KHSRP: variants seen among roughly 807,000 people sequenced by gnomAD.
KHSRP encodes the protein KH-type splicing regulatory protein, also known as far upstream element-binding protein 2.
In KHSRP, 13 loss-of-function variants were observed where a neutral mutation model predicts 94.9. The ratio of observed to expected loss-of-function variants is 0.14; its 90% CI spans 0.09 to 0.22. KHSRP has a LOEUF of 0.22. KHSRP is among the 10% of genes least tolerant of loss of function. The pLI is 1.00. For synonymous variants in KHSRP, 495 were observed against 401.4 expected (o/e 1.23, Z -2.79); for missense variants, 710 against 1,010.0 (o/e 0.70, Z 4.03).
chr19:6,418,264 A>T lies in KHSRP; in HGVS notation c.880-185T>A, dbSNP rs542519543. Among the ~76,000 whole-genome samples the T allele has an allele frequency of 5.9e-5, 9 of 152,268 alleles. No homozygotes were observed. In the East Asian group the frequency reaches 1.2e-3, roughly 20 times the overall value. On this transcript the variant is annotated intron_variant, in intron 9 of 18. Transcript: ENST00000600480. The surrounding 1 kb of genome is among the most constrained non-coding windows in gnomAD (Gnocchi z 4.3). ...ACTACCAGCAGCCCCGTTTCCAGAT[A>T]AAAAAGCAGAAGGTCAGAGGTGAGG...
At position 6,418,994 on chromosome 19, in the gene KHSRP, G is replaced by A; in HGVS notation, c.606-118C>T. 8.2e-7 allele frequency: 1 copy of A among 1,213,040 alleles called. No homozygotes were observed. Among genetic ancestry groups the A allele is most frequent in the South Asian group, 1.6e-5 (1 of 62,946 alleles). The allele number at this position is 1,213,040 out of a possible 1,614,324, so 75.1% of individuals were successfully genotyped here. A position where few individuals can be genotyped will look rare whatever the true frequency, so the allele number is the denominator to read the frequency against. ...CAGAGTGTGCAAGGATGACAGGGAA[G>A]AGGGGCCAGTCACAGGGGCTGTTCA... is the stretch of plus-strand genomic sequence containing the variant. On this transcript the variant is annotated intron_variant, in intron 7 of 18. Transcript: ENST00000600480. The surrounding 1 kb of genome is among the most constrained non-coding windows in gnomAD (Gnocchi z 4.3).
Position 6,413,280 on chromosome 19 carries a change from C to A in KHSRP, c.*1744G>T. ...CTTTTTAAACAACATCTATAAAGAA[C>A]AAACATCCGCTTCAAAACTACAGGG... is the stretch of plus-strand genomic sequence containing the variant. On this transcript the variant is annotated 3_prime_UTR_variant, in exon 19 of 19. Coordinates refer to ENST00000600480, the MANE Select transcript of KHSRP (RefSeq NM_001366299.1). 4.9e-6 allele frequency: 1 copy of A among 204,442 alleles called. No homozygotes were observed. Among genetic ancestry groups the A allele is most frequent in the Non-Finnish European group, 1.0e-5 (1 of 97,092 alleles). 12.7% of individuals were successfully genotyped at this position (204,442 alleles called of 1,614,324 possible).
Position 6,417,162 on chromosome 19 carries a change from C to T in KHSRP, c.1082-75G>A, listed in dbSNP as rs1337494003. 138 of 1,139,158 alleles carry T rather than the reference C, an allele frequency of 1.2e-4. 2 individuals are homozygous for T. In the South Asian group the frequency reaches 2.0e-3, roughly 16 times the overall value. The allele number at this position is 1,139,158 out of a possible 1,614,324, so 70.6% of individuals were successfully genotyped here. A position where few individuals can be genotyped will look rare whatever the true frequency, so the allele number is the denominator to read the frequency against. The stretch of plus-strand genomic sequence containing the variant: ...ACCCCAGAGCCCTGCAACGCCGCCT[C>T]CAGCGCAGACACCACGCCGGCCTGA... On this transcript the variant is annotated intron_variant, in intron 11 of 18. Coordinates refer to ENST00000600480, the MANE Select transcript of KHSRP (RefSeq NM_001366299.1).
intron 14 of KHSRP, 41 bp downstream of exon 14, chr19:6,416,449 C>A (rs1436139782): frequency 6.2e-7 from 1 of 1,612,512 alleles, no homozygotes; most frequent in South Asian, 1.1e-5. Flanking sequence ...GGCTGGGATC[C>A]GGGCTGTGAG....
Position 6,415,155 on chromosome 19 carries a change from G to T in KHSRP, c.2113C>A (p.Gln705Lys). 1 of 1,605,874 alleles carries T rather than the reference G, an allele frequency of 6.2e-7. No individual in the cohort carries two copies. The part of the protein sequence containing the change: ...PGGPQPPPTQ[Q>K]GQQQASGNCH... ...TTCCCACTTGCCTGCTGCTGTCCCTGCTGCGTGGGCGGCGGCTGGGGGCCG... is the reference window on the plus strand; with the variant it reads ...TTCCCACTTGCCTGCTGCTGTCCCTTCTGCGTGGGCGGCGGCTGGGGGCCG... Residue 705 changes from glutamine to lysine, a missense_variant, in exon 19 of 19, where the codon CAG becomes AAG. Physicochemically the swap from Gln to Lys is moderately conservative, Grantham distance 53. Coordinates refer to ENST00000600480, the MANE Select transcript of KHSRP (RefSeq NM_001366299.1).
Position 6,418,353 on chromosome 19 carries a change from G to T in KHSRP, c.879+130C>A. 1.4e-6 allele frequency: 1 copy of T among 725,978 alleles called. No individual in the cohort carries two copies. 45.0% of individuals were successfully genotyped at this position (725,978 alleles called of 1,614,324 possible). ...GGCCATCCTACGAGCCAGCGCTCTT[G>T]CAAGCCTCTTGGTGTTATGACCGAC... On this transcript the variant is annotated intron_variant, in intron 9 of 18. Transcript: ENST00000600480. The surrounding 1 kb of genome is among the most constrained non-coding windows in gnomAD (Gnocchi z 4.3).
intron 11 of KHSRP, among the ~76,000 whole-genome samples, chr19:6,417,503 G>A (rs572036280): frequency 4.7e-4 from 72 of 152,332 alleles, no homozygotes; most frequent in African/African-American, 1.7e-3. Flanking sequence ...CCATCGTAGG[G>A]GGAGGAAGAG....
chr19:6,421,474 G>A, intron 3 of KHSRP, 157 bp from the exon 4 acceptor site: 2 of 989,566 alleles, frequency 2.0e-6, no homozygotes, highest in Admixed American at 2.2e-5. Flanking sequence ...TAAAAGCACA[G>A]AGCTCATCTC....
In KHSRP at chr19:6,418,329, G is replaced by A. The variant is rs1263500547; in HGVS notation, c.879+154C>T. Among the ~76,000 whole-genome samples, 1 of 152,130 alleles carries A rather than the reference G, an allele frequency of 6.6e-6. No homozygotes were observed. Among genetic ancestry groups the A allele is most frequent in the Non-Finnish European group, 1.5e-5 (1 of 68,012 alleles). ...ACACAAAGCTGGGAGTCAGTTCAGG[G>A]CCATCCTACGAGCCAGCGCTCTTGC... is the stretch of plus-strand genomic sequence containing the variant. On this transcript the variant is annotated intron_variant, in intron 9 of 18. Coordinates refer to ENST00000600480, the MANE Select transcript of KHSRP (RefSeq NM_001366299.1). This position sits in a 1 kb window ranked among gnomAD's most constrained non-coding sequence, Gnocchi z 4.3.
Position 6,415,796 on chromosome 19 carries a change from C to T in KHSRP, c.1687+12G>A. On this transcript the variant is annotated intron_variant, in intron 16 of 18. Transcript: ENST00000600480. ...ACAGGGCCTGCCCTCCGCCAGGTGGCCCATCACTTACTTGGGTCATGAGGA... is the reference window on the plus strand; with the variant it reads ...ACAGGGCCTGCCCTCCGCCAGGTGGTCCATCACTTACTTGGGTCATGAGGA... The T allele has an allele frequency of 1.3e-6, 2 of 1,562,592 alleles. No homozygotes were observed.
In KHSRP at chr19:6,413,766, A is replaced by AATAT. The variant is rs983506069; in HGVS notation, c.*1254_*1257dup. The AATAT allele has an allele frequency of 1.3e-5, 2 of 150,650 alleles. No homozygotes were observed. The highest frequency in any genetic ancestry group is 2.9e-5 in the Non-Finnish European group (2 of 68,342). 9.3% of individuals were successfully genotyped at this position (150,650 alleles called of 1,614,324 possible). A position where few individuals can be genotyped will look rare whatever the true frequency, so the allele number is the denominator to read the frequency against. ...GGGGGGTGAAGAATAGAGACTTTTT[A>AATAT]ATATATATATATATAATTTTATAAG... is the stretch of plus-strand genomic sequence containing the variant. On this transcript the variant is annotated 3_prime_UTR_variant, in exon 19 of 19. Coordinates refer to ENST00000600480, the MANE Select transcript of KHSRP (RefSeq NM_001366299.1).
rs1181600410 is a variant in KHSRP at position 6,424,654 on chromosome 19, GGGC to G, written c.45_47del (p.Pro16del). ...CTCCGGCTCCCCCGCCCCCGCCGGCGGGCGGCGGCGGCCCGGGCGGGGGTCCTC... is the reference window on the plus strand; with the variant it reads ...CTCCGGCTCCCCCGCCCCCGCCGGCGGGCGGCGGCCCGGGCGGGGGTCCTC... On this transcript the variant is annotated inframe_deletion, in exon 1 of 19. Transcript: ENST00000600480. The G allele has an allele frequency of 9.8e-7, 1 of 1,018,820 alleles. No individual in the cohort carries two copies. The highest frequency in any genetic ancestry group is 8.4e-5 in the East Asian group (1 of 11,928). 63.1% of individuals were successfully genotyped at this position (1,018,820 alleles called of 1,614,324 possible).
chr19:6,415,614 G>A lies in KHSRP; in HGVS notation c.1808C>T (p.Ala603Val). 1 of 1,518,380 alleles carries A rather than the reference G, an allele frequency of 6.6e-7. No individual in the cohort carries two copies. Among genetic ancestry groups the A allele is most frequent in the Non-Finnish European group, 8.8e-7 (1 of 1,134,256 alleles). 94.1% of individuals were successfully genotyped at this position (1,518,380 alleles called of 1,614,324 possible). Residue 603 changes from alanine (A) to valine (V), a missense_variant, in exon 17 of 19, where the codon GCT becomes GTT. Transcript: ENST00000600480. ...GPAPAPAAPP[A>V]QGEPPQPPPT... ...TGGGGGCTGAGGGGGCTCACCCTGA[G>A]CCGGTGGGGCCGCAGGGGCCGGTGC...
rs1277053100 is a variant in KHSRP, at chr19:6,414,396, G to A, written c.*628C>T. 2 of 1,301,890 alleles carry A rather than the reference G, an allele frequency of 1.5e-6. No homozygotes were observed. Among genetic ancestry groups the A allele is most frequent in the Admixed American group, 3.6e-5 (1 of 27,908 alleles). The allele number at this position is 1,301,890 out of a possible 1,614,324, so 80.6% of individuals were successfully genotyped here. A position where few individuals can be genotyped will look rare whatever the true frequency, so the allele number is the denominator to read the frequency against. ...AGGGCGGAGGCGCTAGGGTCGTAGG[G>A]GAGCTGCCCTGTCTCCGGAGGGCGG... On this transcript the variant is annotated 3_prime_UTR_variant, in exon 19 of 19. Coordinates refer to ENST00000600480, the MANE Select transcript of KHSRP (RefSeq NM_001366299.1).
In KHSRP at chr19:6,414,176, C is replaced by A; in HGVS notation, c.*848G>T. 2 of 1,574,754 alleles carry A rather than the reference C, an allele frequency of 1.3e-6. No individual in the cohort carries two copies. The highest frequency in any genetic ancestry group is 2.3e-5 in the East Asian group (1 of 43,496). On this transcript the variant is annotated 3_prime_UTR_variant, in exon 19 of 19. Coordinates refer to ENST00000600480, the MANE Select transcript of KHSRP (RefSeq NM_001366299.1). ...ACTACGGGGAGGGAAGGGTGGGAGA[C>A]TAGGGGGCGGAAGAGAGGAGGGGCT...
At chr19:6,419,905 G>A (rs1257771098) in intron 6 of KHSRP, among the ~76,000 whole-genome samples, 168 bp downstream of exon 6, 2 of 152,234 alleles carry the variant, frequency 1.3e-5, no homozygotes, top group East Asian at 1.9e-4. Flanking sequence ...GTGCCCCGTG[G>A]GCAGTACTAG....
In KHSRP at chr19:6,413,563, G is replaced by A. The variant is rs1270744016; in HGVS notation, c.*1461C>T. The stretch of plus-strand genomic sequence containing the variant: ...GAGAAGAGGGGGCTTGGCTGCTGGG[G>A]GAAGGGGTCCTGCAATACAACACCT... On this transcript the variant is annotated 3_prime_UTR_variant, in exon 19 of 19. Transcript: ENST00000600480. 1 of 232,294 alleles carries A rather than the reference G, an allele frequency of 4.3e-6. No homozygotes were observed. The allele number at this position is 232,294 out of a possible 1,614,324, so 14.4% of individuals were successfully genotyped here. A position where few individuals can be genotyped will look rare whatever the true frequency, so the allele number is the denominator to read the frequency against.
chr19:6,414,634 C>G lies in KHSRP; in HGVS notation c.*390G>C. On this transcript the variant is annotated 3_prime_UTR_variant, in exon 19 of 19. Transcript: ENST00000600480. ...CGTCCCCACCAGTCCCTGCCAGAGC[C>G]AGGCCGCCTGCAACACAGTCACTTG... The G allele has an allele frequency of 9.9e-7, 1 of 1,010,926 alleles. No individual in the cohort carries two copies. Among genetic ancestry groups the G allele is most frequent in the Non-Finnish European group, 1.2e-6 (1 of 847,662 alleles). The allele number at this position is 1,010,926 out of a possible 1,614,324, so 62.6% of individuals were successfully genotyped here.
Position 6,413,390 on chromosome 19 carries a change from T to C in KHSRP, c.*1634A>G. The stretch of plus-strand genomic sequence containing the variant: ...TATTTGTGAAGTTAAAAACGAGCGA[T>C]AAAAAGTAAAAACTGCCATACAATT... On this transcript the variant is annotated 3_prime_UTR_variant, in exon 19 of 19. Coordinates refer to ENST00000600480, the MANE Select transcript of KHSRP (RefSeq NM_001366299.1). 2.4e-6 allele frequency: 1 copy of C among 417,096 alleles called. No homozygotes were observed. Among genetic ancestry groups the C allele is most frequent in the South Asian group, 1.7e-5 (1 of 59,794 alleles). The allele number at this position is 417,096 out of a possible 1,614,324, so 25.8% of individuals were successfully genotyped here.
Sources: allele counts gnomAD v4.1 joint callset (sites outside exome capture counted in the v4.1 genomes callset), GRCh38; gene constraint gnomAD v4.1.1; non-coding constraint Gnocchi (gnomAD v3.1); transcripts MANE v1.5; gene names NCBI Gene and HGNC (gene_info 2026-07-23, HGNC 2026-07-21).